H3-4: variants seen among roughly 807,000 people sequenced by gnomAD.
H3-4 encodes histone H3.1t.
In H3-4, 6 loss-of-function variants were observed where a neutral mutation model predicts 3.8. That is an observed-to-expected ratio of 1.59 (90% CI 0.87 to 3.13). The LOEUF is 3.13. Among genes scored for constraint, H3-4 ranks in the 30% most tolerant of loss-of-function variants. H3-4 has a pLI of 0.00. For missense variants in H3-4, 298 were observed against 202.4 expected (o/e 1.47, Z -2.87); for synonymous variants, 138 against 86.5 (o/e 1.60, Z -3.30).
In H3-4 at chr1:228,424,912, C is replaced by G. The variant is rs1657413091; in HGVS notation, c.*3G>C. Reference sequence around the variant, plus strand: ...CAACCTCTCAGGTGGCGAGATAGCCCTCCTAGGCCCGCTCCCCGCGGATAC... The same window carrying G: ...CAACCTCTCAGGTGGCGAGATAGCCGTCCTAGGCCCGCTCCCCGCGGATAC... On this transcript the variant is annotated 3_prime_UTR_variant, in exon 1 of 1. Transcript: ENST00000366696. The G allele has an allele frequency of 4.3e-6, 7 of 1,614,224 alleles. No individual in the cohort carries two copies. Among genetic ancestry groups the G allele is most frequent in the Non-Finnish European group, 5.9e-6 (7 of 1,180,038 alleles).
rs754728490 is a variant in H3-4, at chr1:228,425,346, C to A, written c.-21G>T. The A allele has an allele frequency of 5.6e-6, 9 of 1,613,540 alleles. No individual in the cohort carries two copies. The highest frequency in any genetic ancestry group is 2.2e-5 in the East Asian group (1 of 44,858). ...GCCATGAATCCGAAACTGTTGGCCC[C>A]GCGGTGTCCTCTGCCCAGACCTCAG... On this transcript the variant is annotated 5_prime_UTR_variant, in exon 1 of 1. Coordinates refer to ENST00000366696, the MANE Select transcript of H3-4 (RefSeq NM_003493.3).
chr1:228,425,268 GCTTGCGCGGCGCCTTGCCACCCGTTGA>G lies in H3-4; in HGVS notation c.31_57del (p.Ser11_Lys19del), dbSNP rs1350599412. 2.5e-6 allele frequency: 4 copies of G among 1,613,802 alleles called. No homozygotes were observed. In the South Asian group the frequency reaches 3.3e-5, roughly 13 times the overall value. On this transcript the variant is annotated inframe_deletion, in exon 1 of 1. Coordinates refer to ENST00000366696, the MANE Select transcript of H3-4 (RefSeq NM_003493.3). The stretch of plus-strand genomic sequence containing the variant: ...TTGCGAGCCACCTTGGTGGCCAGCT[GCTTGCGCGGCGCCTTGCCACCCGTTGA>G]CTTGCGCGCAGTCTGCTTGGTTCGG...
Position 228,425,002 on chromosome 1 carries a change from G to A in H3-4, c.324C>T (p.Thr108=), listed in dbSNP as rs755844729. The change falls in exon 1 of 1, where the codon ACC becomes ACT. Residue 108 remains threonine, a synonymous_variant. Coordinates refer to ENST00000366696, the MANE Select transcript of H3-4 (RefSeq NM_003493.3). ...ESYLVGLFED[T]NLCVIHAKRV... ...GTTTGGCATGGATGACACACAGGTT[G>A]GTGTCCTCAAACAGCCCCACCAGGT... 1.9e-6 allele frequency: 3 copies of A among 1,614,222 alleles called. No individual in the cohort carries two copies. The highest frequency in any genetic ancestry group is 4.5e-5 in the East Asian group (2 of 44,874).
rs773691912 is a variant in H3-4, at chr1:228,425,108, C to A, written c.218G>T (p.Arg73Leu). 1 of 1,614,056 alleles carries A rather than the reference C, an allele frequency of 6.2e-7. No individual in the cohort carries two copies. Residue 73 changes from arginine to leucine, a missense_variant, in exon 1 of 1, where the codon CGC becomes CTC. Arg to Leu is a moderately radical substitution (Grantham distance 102, BLOSUM62 -2). Coordinates refer to ENST00000366696, the MANE Select transcript of H3-4 (RefSeq NM_003493.3). ...IRKLPFQRLM[R>L]EIAQDFKTDL... Reference sequence around the variant, plus strand: ...GGTCTTAAAGTCCTGAGCGATCTCGCGCATCAGCCGCTGGAAGGGCAACTT... The same window carrying A: ...GGTCTTAAAGTCCTGAGCGATCTCGAGCATCAGCCGCTGGAAGGGCAACTT...
rs1052395161 is a variant in H3-4, at chr1:228,425,170, G to A, written c.156C>T (p.Ile52=). ...GCTCAGTGGACTTCTGGTAGCGGCG[G>A]ATCTCGCGAAGCGCCACCGTGCCGG... The part of the protein sequence containing the change: ...YRPGTVALRE[I]RRYQKSTELL... The change falls in exon 1 of 1, where the codon ATC becomes ATT. Residue 52 remains isoleucine, a synonymous_variant. Coordinates refer to ENST00000366696, the MANE Select transcript of H3-4 (RefSeq NM_003493.3). 6.2e-7 allele frequency: 1 copy of A among 1,614,150 alleles called. No individual in the cohort carries two copies. Among genetic ancestry groups the A allele is most frequent in the Non-Finnish European group, 8.5e-7 (1 of 1,179,984 alleles).
Position 228,425,026 on chromosome 1 carries a change from G to C in H3-4, c.300C>G (p.Tyr100Ter). Residue 100 changes from tyrosine to a stop codon, truncating the protein, a stop_gained, in exon 1 of 1, where the codon TAC becomes TAG. Coordinates refer to ENST00000366696, the MANE Select transcript of H3-4 (RefSeq NM_003493.3). LOFTEE classifies it high-confidence loss of function. ...VMALQEACES[Y>*]LVGLFEDTNL... ...TGGTGTCCTCAAACAGCCCCACCAGGTAAGACTCGCACGCCTCCTGCAGCG... is the reference window on the plus strand; with the variant it reads ...TGGTGTCCTCAAACAGCCCCACCAGCTAAGACTCGCACGCCTCCTGCAGCG... 2 of 1,614,256 alleles carry C rather than the reference G, an allele frequency of 1.2e-6. No individual in the cohort carries two copies. The highest frequency in any genetic ancestry group is 2.2e-5 in the East Asian group (1 of 44,886).
rs200747237 is a variant in H3-4, at chr1:228,425,326, G to A, written c.-1C>T. 6.2e-6 allele frequency: 10 copies of A among 1,613,884 alleles called. No individual in the cohort carries two copies. Among genetic ancestry groups the A allele is most frequent in the East Asian group, 4.5e-5 (2 of 44,868 alleles). On this transcript the variant is annotated 5_prime_UTR_variant, in exon 1 of 1. Transcript: ENST00000366696. The stretch of plus-strand genomic sequence containing the variant: ...GCGCAGTCTGCTTGGTTCGGGCCAT[G>A]AATCCGAAACTGTTGGCCCCGCGGT...
rs1358711210 is a variant in H3-4, at chr1:228,425,192, C to G, written c.134G>C (p.Gly45Ala). Reference protein sequence around the residue: ...GVKKPHRYRPGTVALREIRRY... With the variant: ...GVKKPHRYRPATVALREIRRY... The stretch of plus-strand genomic sequence containing the variant: ...GCGGATCTCGCGAAGCGCCACCGTG[C>G]CGGGCCGGTAGCGGTGCGGCTTCTT... The change falls in exon 1 of 1, where the codon GGC becomes GCC. Residue 45 changes from glycine (G) to alanine (A), a missense_variant. Coordinates refer to ENST00000366696, the MANE Select transcript of H3-4 (RefSeq NM_003493.3). The G allele has an allele frequency of 6.2e-7, 1 of 1,614,110 alleles. No individual in the cohort carries two copies. The highest frequency in any genetic ancestry group is 8.5e-7 in the Non-Finnish European group (1 of 1,179,948).
chr1:228,425,272 G>C lies in H3-4; in HGVS notation c.54C>G (p.Arg18=). ...GAGCCACCTTGGTGGCCAGCTGCTTGCGCGGCGCCTTGCCACCCGTTGACT... is the reference window on the plus strand; with the variant it reads ...GAGCCACCTTGGTGGCCAGCTGCTTCCGCGGCGCCTTGCCACCCGTTGACT... ...ARKSTGGKAP[R]KQLATKVARK... Residue 18 remains arginine, a synonymous_variant, in exon 1 of 1, where the codon CGC becomes CGG. Coordinates refer to ENST00000366696, the MANE Select transcript of H3-4 (RefSeq NM_003493.3). The C allele has an allele frequency of 6.2e-7, 1 of 1,613,820 alleles. No homozygotes were observed. Among genetic ancestry groups the C allele is most frequent in the East Asian group, 2.2e-5 (1 of 44,874 alleles).
Position 228,425,189 on chromosome 1 carries a change from G to A in H3-4, c.137C>T (p.Thr46Met), listed in dbSNP as rs757564822. The part of the protein sequence containing the change: ...VKKPHRYRPG[T>M]VALREIRRYQ... Reference sequence around the variant, plus strand: ...GCGGCGGATCTCGCGAAGCGCCACCGTGCCGGGCCGGTAGCGGTGCGGCTT... The same window carrying A: ...GCGGCGGATCTCGCGAAGCGCCACCATGCCGGGCCGGTAGCGGTGCGGCTT... The change falls in exon 1 of 1, where the codon ACG becomes ATG. Residue 46 changes from threonine to methionine, a missense_variant. Transcript: ENST00000366696. 7 of 1,614,106 alleles carry A rather than the reference G, an allele frequency of 4.3e-6. No individual in the cohort carries two copies. Among genetic ancestry groups the A allele is most frequent in the Non-Finnish European group, 5.1e-6 (6 of 1,179,960 alleles).
In H3-4 at chr1:228,425,319, GGGCCATGAATCCGAAACTGTT is replaced by G. The variant is rs1558465551; in HGVS notation, c.-15_6del. The G allele has an allele frequency of 1.2e-6, 2 of 1,613,866 alleles. No individual in the cohort carries two copies. Among genetic ancestry groups the G allele is most frequent in the South Asian group, 2.2e-5 (2 of 91,084 alleles). ...GACTTGCGCGCAGTCTGCTTGGTTC[GGGCCATGAATCCGAAACTGTT>G]GGCCCCGCGGTGTCCTCTGCCCAGA... On this transcript the variant is annotated start_lost and 5_prime_UTR_variant, in exon 1 of 1. Coordinates refer to ENST00000366696, the MANE Select transcript of H3-4 (RefSeq NM_003493.3).
At position 228,425,003 on chromosome 1, in the gene H3-4, G is replaced by A. The variant is rs777690025; in HGVS notation, c.323C>T (p.Thr108Ile). The A allele has an allele frequency of 1.2e-6, 2 of 1,614,252 alleles. No individual in the cohort carries two copies. Among genetic ancestry groups the A allele is most frequent in the Non-Finnish European group, 8.5e-7 (1 of 1,180,036 alleles). The change falls in exon 1 of 1, where the codon ACC (threonine) becomes ATC (isoleucine). Residue 108 changes from threonine (T) to isoleucine (I), a missense_variant. Physicochemically the swap from Thr to Ile is moderately conservative, Grantham distance 89. Coordinates refer to ENST00000366696, the MANE Select transcript of H3-4 (RefSeq NM_003493.3). Reference sequence around the variant, plus strand: ...TTTGGCATGGATGACACACAGGTTGGTGTCCTCAAACAGCCCCACCAGGTA... The same window carrying A: ...TTTGGCATGGATGACACACAGGTTGATGTCCTCAAACAGCCCCACCAGGTA... ...ESYLVGLFED[T>I]NLCVIHAKRV...
Position 228,424,996 on chromosome 1 carries a change from C to A in H3-4, c.330G>T (p.Leu110=). The A allele has an allele frequency of 1.2e-6, 2 of 1,614,258 alleles. No individual in the cohort carries two copies. Among genetic ancestry groups the A allele is most frequent in the South Asian group, 2.2e-5 (2 of 91,088 alleles). The part of the protein sequence containing the change: ...YLVGLFEDTN[L]CVIHAKRVTI... ...TGACCCGTTTGGCATGGATGACACA[C>A]AGGTTGGTGTCCTCAAACAGCCCCA... is the stretch of plus-strand genomic sequence containing the variant. The change falls in exon 1 of 1, where the codon CTG becomes CTT. Residue 110 remains leucine, a synonymous_variant. Transcript: ENST00000366696.
chr1:228,425,192 C>T lies in H3-4; in HGVS notation c.134G>A (p.Gly45Asp), dbSNP rs1358711210. The T allele has an allele frequency of 6.2e-7, 1 of 1,614,110 alleles. No individual in the cohort carries two copies. Among genetic ancestry groups the T allele is most frequent in the African/African-American group, 1.3e-5 (1 of 75,074 alleles). The change falls in exon 1 of 1, where the codon GGC (glycine) becomes GAC (aspartate). Residue 45 changes from glycine to aspartate, a missense_variant. Gly to Asp is a moderately conservative substitution (Grantham distance 94, BLOSUM62 -1). Transcript: ENST00000366696. Reference sequence around the variant, plus strand: ...GCGGATCTCGCGAAGCGCCACCGTGCCGGGCCGGTAGCGGTGCGGCTTCTT... The same window carrying T: ...GCGGATCTCGCGAAGCGCCACCGTGTCGGGCCGGTAGCGGTGCGGCTTCTT... ...GVKKPHRYRP[G>D]TVALREIRRY...
rs1466119123 is a variant in H3-4, at chr1:228,425,195, G to C, written c.131C>G (p.Pro44Arg). ...GGVKKPHRYR[P>R]GTVALREIRR... Reference sequence around the variant, plus strand: ...GATCTCGCGAAGCGCCACCGTGCCGGGCCGGTAGCGGTGCGGCTTCTTCAC... The same window carrying C: ...GATCTCGCGAAGCGCCACCGTGCCGCGCCGGTAGCGGTGCGGCTTCTTCAC... Residue 44 changes from proline (P) to arginine (R), a missense_variant, in exon 1 of 1, where the codon CCC becomes CGC. Physicochemically the swap from Pro to Arg is moderately radical, Grantham distance 103. Coordinates refer to ENST00000366696, the MANE Select transcript of H3-4 (RefSeq NM_003493.3). The C allele has an allele frequency of 3.7e-6, 6 of 1,613,878 alleles. No individual in the cohort carries two copies. In the African/African-American group the frequency reaches 8.0e-5, roughly 22 times the overall value.
Position 228,425,186 on chromosome 1 carries a change from A to G in H3-4, c.140T>C (p.Val47Ala). 6.2e-7 allele frequency: 1 copy of G among 1,614,116 alleles called. No individual in the cohort carries two copies. Among genetic ancestry groups the G allele is most frequent in the Non-Finnish European group, 8.5e-7 (1 of 1,179,980 alleles). ...GTAGCGGCGGATCTCGCGAAGCGCC[A>G]CCGTGCCGGGCCGGTAGCGGTGCGG... ...KKPHRYRPGTVALREIRRYQK... is the reference protein window; with the variant it reads ...KKPHRYRPGTAALREIRRYQK... The change falls in exon 1 of 1, where the codon GTG becomes GCG. Residue 47 changes from valine to alanine, a missense_variant. Val to Ala is a moderately conservative substitution (Grantham distance 64, BLOSUM62 0). Coordinates refer to ENST00000366696, the MANE Select transcript of H3-4 (RefSeq NM_003493.3).
Position 228,425,215 on chromosome 1 carries a change from C to G in H3-4, c.111G>C (p.Lys37Asn), listed in dbSNP as rs540212294. The change falls in exon 1 of 1, where the codon AAG (lysine) becomes AAC (asparagine). Residue 37 changes from lysine to asparagine, a missense_variant. Lys to Asn is a moderately conservative substitution (Grantham distance 94). Coordinates refer to ENST00000366696, the MANE Select transcript of H3-4 (RefSeq NM_003493.3). ...TGCCGGGCCGGTAGCGGTGCGGCTT[C>G]TTCACGCCGCCAGTGGCAGGTGCGC... The part of the protein sequence containing the change: ...RKSAPATGGV[K>N]KPHRYRPGTV... The G allele has an allele frequency of 6.2e-7, 1 of 1,613,744 alleles. No homozygotes were observed. The highest frequency in any genetic ancestry group is 2.2e-5 in the East Asian group (1 of 44,868).
rs145767549 is a variant in H3-4 at position 228,425,145 on chromosome 1, G to C, written c.181C>G (p.Leu61Val). The C allele has an allele frequency of 2.4e-5, 38 of 1,613,940 alleles. No homozygotes were observed. The African/African-American group carries it at 4.3e-4, about 18-fold the overall frequency. The change falls in exon 1 of 1, where the codon CTG (leucine) becomes GTG (valine). Residue 61 changes from leucine to valine, a missense_variant. Physicochemically the swap from Leu to Val is conservative, Grantham distance 32. Coordinates refer to ENST00000366696, the MANE Select transcript of H3-4 (RefSeq NM_003493.3). ...EIRRYQKSTE[L>V]LIRKLPFQRL... ...TGGAAGGGCAACTTGCGGATTAGCA[G>C]CTCAGTGGACTTCTGGTAGCGGCGG... is the stretch of plus-strand genomic sequence containing the variant.
rs773231016 is a variant in H3-4 at position 228,424,911 on chromosome 1, C to T, written c.*4G>A. The T allele has an allele frequency of 2.5e-6, 4 of 1,614,214 alleles. No homozygotes were observed. Among genetic ancestry groups the T allele is most frequent in the Non-Finnish European group, 3.4e-6 (4 of 1,180,040 alleles). On this transcript the variant is annotated 3_prime_UTR_variant, in exon 1 of 1. Transcript: ENST00000366696. ...GCAACCTCTCAGGTGGCGAGATAGC[C>T]CTCCTAGGCCCGCTCCCCGCGGATA...
Sources: gnomAD v4.1 joint callset for allele counts on GRCh38, gnomAD v4.1.1 for gene constraint, MANE v1.5 for transcripts, NCBI Gene and HGNC (gene_info 2026-07-23, HGNC 2026-07-21) for gene names.